CELF4: variants seen among roughly 807,000 people sequenced by gnomAD.
CELF4 encodes CUG-BP- and ETR-3-like factor 4.
A neutral mutation model predicts 59.9 loss-of-function variants in CELF4; 18 were observed. The ratio of observed to expected loss-of-function variants is 0.30; its 90% CI spans 0.21 to 0.45. The LOEUF (loss-of-function observed/expected upper bound fraction) is 0.45, where lower values mean the gene tolerates loss of function less well. CELF4 is among the 20% of genes least tolerant of loss of function. The pLI, the probability that CELF4 is intolerant of heterozygous loss-of-function variation, is 1.00. For missense variants in CELF4, 456 were observed against 689.0 expected, an observed-to-expected ratio of 0.66 and a Z score of 3.79; for synonymous variants, 261 against 267.1, an observed-to-expected ratio of 0.98 and a Z score of 0.22.
intron 1 of CELF4, among the ~76,000 whole-genome samples, chr18:37,560,416 T>G (rs1244794661): frequency 1.3e-5 from 2 of 152,250 alleles, no homozygotes; most frequent in Non-Finnish European, 2.9e-5. Context: ...CTTATCAACA[T>G]CTGGAATTTG....
intron 1 of CELF4, among the ~76,000 whole-genome samples, chr18:37,559,214 C>T (rs576744492): frequency 6.6e-6 from 1 of 152,250 alleles, no homozygotes; most frequent in African/African-American, 2.4e-5. Flanking sequence ...TCACCCTTCT[C>T]CCTGATCCTG....
intron 9 of CELF4, chr18:37,266,248 G>A: frequency 1.8e-6 from 1 of 548,406 alleles, no homozygotes; most frequent in Non-Finnish European, 3.3e-6. Flanking sequence ...CATGGGGAAG[G>A]GAAATCTGGC....
chr18:37,335,355 G>A (rs78378737), intron 2 of CELF4, among the ~76,000 whole-genome samples: 2,006 of 152,216 alleles, frequency 0.013, 18 homozygotes, highest in Non-Finnish European at 0.022. Flanking sequence ...GGGTCTGCAC[G>A]TGAGTATGTG....
intron 1 of CELF4, among the ~76,000 whole-genome samples, chr18:37,528,611 C>T (rs936790785): frequency 6.6e-6 from 1 of 152,134 alleles, no homozygotes; most frequent in African/African-American, 2.4e-5. Context: ...GTTTCCACAA[C>T]AGAAAGTGTG....
At chr18:37,329,311 G>C (rs1341813658) in intron 2 of CELF4, among the ~76,000 whole-genome samples, 1 of 152,202 alleles carries the variant, frequency 6.6e-6, no homozygotes, top group Non-Finnish European at 1.5e-5. Context: ...CTGCAACCTT[G>C]GGCCTGAGGA....
chr18:37,502,493 C>G (rs919861466), intron 1 of CELF4, among the ~76,000 whole-genome samples: 1 of 152,110 alleles, frequency 6.6e-6, no homozygotes, highest in African/African-American at 2.4e-5. Context: ...CATCTCTCAC[C>G]GGGAAGGTGG....
chr18:37,315,868 G>A (rs996132339), intron 3 of CELF4, among the ~76,000 whole-genome samples: 3 of 152,154 alleles, frequency 2.0e-5, no homozygotes, highest in Non-Finnish European at 4.4e-5. Flanking sequence ...ACACACATCC[G>A]TTCAGCCCAG....
Position 37,496,437 on chromosome 18 carries a change from G to A in CELF4, c.287-10830C>T, listed in dbSNP as rs184374618. 9.8e-5 allele frequency among the ~76,000 whole-genome samples: 15 copies of A among 152,344 alleles called. No homozygotes were observed. In the East Asian group the frequency reaches 2.9e-3, roughly 29 times the overall value. ...GGTCACATGGTGGCACTCAGGACCT[G>A]CCTGGTGAGGTGAAATAATCTCGCC... On this transcript the variant is annotated intron_variant, in intron 1 of 12. Transcript: ENST00000420428.
At chr18:37,335,568 G>C (rs2097742844) in intron 2 of CELF4, among the ~76,000 whole-genome samples, 2 of 151,874 alleles carry the variant, frequency 1.3e-5, no homozygotes, top group South Asian at 2.1e-4. Flanking sequence ...TGCTGTGTAA[G>C]TGTGGGAGTG....
chr18:37,308,072 T>G (rs747704318), intron 3 of CELF4, among the ~76,000 whole-genome samples: 1 of 152,072 alleles, frequency 6.6e-6, no homozygotes, highest in African/African-American at 2.4e-5. Flanking sequence ...GACGGGCTCC[T>G]GAACCTACAG....
chr18:37,518,118 C>T (rs953073467), intron 1 of CELF4, among the ~76,000 whole-genome samples: 1 of 152,136 alleles, frequency 6.6e-6, no homozygotes, highest in Non-Finnish European at 1.5e-5. Context: ...GCCACCCAGC[C>T]TGAGATACAG....
chr18:37,341,744 C>A (rs1463436420), intron 2 of CELF4, among the ~76,000 whole-genome samples: 1 of 152,274 alleles, frequency 6.6e-6, no homozygotes, highest in East Asian at 1.9e-4. Flanking sequence ...TTCCTTTTGA[C>A]TCTAGGAGTG....
chr18:37,426,075 G>C (rs1164529673), intron 2 of CELF4, among the ~76,000 whole-genome samples: 2 of 152,204 alleles, frequency 1.3e-5, no homozygotes, highest in Non-Finnish European at 2.9e-5. Flanking sequence ...AATCAATGTA[G>C]TCCCAACTCT....
chr18:37,410,552 G>A (rs1001259453), intron 2 of CELF4, among the ~76,000 whole-genome samples: 2 of 152,236 alleles, frequency 1.3e-5, no homozygotes, highest in African/African-American at 4.8e-5. Flanking sequence ...CCCTGCACAC[G>A]CTGTGCCAGC....
At chr18:37,343,557 GGTATATGTGGTGCATATGTGT>G in intron 2 of CELF4, among the ~76,000 whole-genome samples, 1 of 151,404 alleles carries the variant, frequency 6.6e-6, no homozygotes, top group East Asian at 1.9e-4. Context: ...TCCCACCCCT[GGTATATGTGGTGCATATGTGT>G]GTATATGTGG....
chr18:37,431,709 C>T (rs1363097320), intron 2 of CELF4, among the ~76,000 whole-genome samples: 1 of 152,182 alleles, frequency 6.6e-6, no homozygotes, highest in Non-Finnish European at 1.5e-5. Flanking sequence ...CAATAAGCCA[C>T]AGTCACCATA....
At chr18:37,393,892 A>T (rs2099201011) in intron 2 of CELF4, among the ~76,000 whole-genome samples, 1 of 147,446 alleles carries the variant, frequency 6.8e-6, no homozygotes, top group African/African-American at 2.5e-5. Flanking sequence ...CAACACCAAT[A>T]ATTCCAACTG....
At chr18:37,564,630 G>T (rs2099987584) in intron 1 of CELF4, among the ~76,000 whole-genome samples, 1 of 151,978 alleles carries the variant, frequency 6.6e-6, no homozygotes, top group Non-Finnish European at 1.5e-5. Context: ...CCGCTTTCCT[G>T]GGAAGGGGAC....
In CELF4 at chr18:37,273,163, G is replaced by A. The variant is rs1184305877; in HGVS notation, c.802C>T (p.Leu268=). Residue 268 remains leucine (L), a splice_region_variant and synonymous_variant, in exon 7 of 13, where the codon CTG becomes TTG. Transcript: ENST00000420428. ...FGAYGAYAQA[L]MQQQAALMAS... Reference sequence around the variant, plus strand: ...ATCAGGGCCGCTTGCTGCTGCATCAGCTGGGGCAGAGGGAGTGGAAAAAAT... The same window carrying A: ...ATCAGGGCCGCTTGCTGCTGCATCAACTGGGGCAGAGGGAGTGGAAAAAAT... 2 of 1,607,514 alleles carry A rather than the reference G, an allele frequency of 1.2e-6. No homozygotes were observed. The highest frequency in any genetic ancestry group is 2.2e-5 in the South Asian group (2 of 90,918).
Sources: gnomAD v4.1 joint callset for allele counts (sites outside exome capture counted in the v4.1 genomes callset) on GRCh38, gnomAD v4.1.1 for gene constraint, MANE v1.5 for transcripts, NCBI Gene and HGNC (gene_info 2026-07-23, HGNC 2026-07-21) for gene names.